PTPRM: variants seen among roughly 807,000 people sequenced by gnomAD.
The protein encoded by PTPRM is protein tyrosine phosphatase receptor type M, also known as receptor-type tyrosine-protein phosphatase mu.
Under a neutral mutation model 186.7 loss-of-function variants are expected in PTPRM, and 47 were observed. That is an observed-to-expected ratio of 0.25 (90% CI 0.20 to 0.32). The LOEUF (loss-of-function observed/expected upper bound fraction) is 0.32, where lower values mean the gene tolerates loss of function less well. Among genes scored for constraint, PTPRM ranks in the 10% least tolerant of loss-of-function variants. The probability of loss-of-function intolerance (pLI) is 1.00; values close to 1 mark genes in which losing one functional copy is unlikely to be tolerated. For synonymous variants in PTPRM, 668 were observed against 674.9 expected (o/e 0.99, Z 0.16); for missense variants, 1,494 against 1,865.0 (o/e 0.80, Z 3.66).
chr18:7,667,306 A>AT (rs2039118379), intron 1 of PTPRM, among the ~76,000 whole-genome samples: 1 of 152,220 alleles, frequency 6.6e-6, no homozygotes, highest in Non-Finnish European at 1.5e-5. Context: ...GACTTATCAA[A>AT]ACAGGTCAGC....
intron 31 of PTPRM, among the ~76,000 whole-genome samples, chr18:8,390,359 G>A (rs775118920): frequency 4.6e-5 from 7 of 152,212 alleles, no homozygotes; most frequent in Non-Finnish European, 7.3e-5. Flanking sequence ...CTTCACGACC[G>A]CGGGTAGATT....
chr18:7,821,336 A>G (rs1188807200), intron 2 of PTPRM, among the ~76,000 whole-genome samples: 1 of 152,222 alleles, frequency 6.6e-6, no homozygotes, highest in Non-Finnish European at 1.5e-5. Flanking sequence ...GTTAGAATCT[A>G]GAGAAATATC....
intron 14 of PTPRM, among the ~76,000 whole-genome samples, chr18:8,165,295 C>T (rs1452230657): frequency 4.6e-5 from 7 of 152,302 alleles, no homozygotes; most frequent in African/African-American, 1.2e-4. Flanking sequence ...TTGGAGCACT[C>T]AGTGGTACTT....
At chr18:7,794,871 A>G (rs996916341) in intron 2 of PTPRM, among the ~76,000 whole-genome samples, 1 of 152,142 alleles carries the variant, frequency 6.6e-6, no homozygotes, top group African/African-American at 2.4e-5. Flanking sequence ...CCCTGTACCA[A>G]CTGTTCCCTG....
At chr18:8,238,357 C>G (rs537337817) in intron 14 of PTPRM, among the ~76,000 whole-genome samples, 1 of 152,202 alleles carries the variant, frequency 6.6e-6, no homozygotes, top group Non-Finnish European at 1.5e-5. Context: ...TCTTCAAGCT[C>G]AGAGATTCTT....
chr18:7,863,068 C>T lies in PTPRM; in HGVS notation c.197-25038C>T, dbSNP rs532396083. The stretch of plus-strand genomic sequence containing the variant: ...AATAAGATTCGTTCTCACAATTTCA[C>T]CATCAGTTTGCTAAAAGGCTTGTCT... On this transcript the variant is annotated intron_variant, in intron 2 of 32. Transcript: ENST00000580170. Among the ~76,000 whole-genome samples, 39 of 152,250 alleles carry T rather than the reference C, an allele frequency of 2.6e-4. No individual in the cohort carries two copies. In the Middle Eastern group the frequency reaches 0.014, roughly 53 times the overall value.
Position 7,681,490 on chromosome 18 carries a change from A to G in PTPRM, c.74-92659A>G, listed in dbSNP as rs1425550057. Among the ~76,000 whole-genome samples, 3 of 151,910 alleles carry G rather than the reference A, an allele frequency of 2.0e-5. No homozygotes were observed. The East Asian group carries it at 5.8e-4, about 29-fold the overall frequency. On this transcript the variant is annotated intron_variant, in intron 1 of 32. Coordinates refer to ENST00000580170, the MANE Select transcript of PTPRM (RefSeq NM_001105244.2). Reference sequence around the variant, plus strand: ...ACACGGGCCATCAAGTTCTCTCCTCATGATGATGTTTTTAGCATCAGTTCG... The same window carrying G: ...ACACGGGCCATCAAGTTCTCTCCTCGTGATGATGTTTTTAGCATCAGTTCG...
intron 22 of PTPRM, among the ~76,000 whole-genome samples, chr18:8,333,645 C>G (rs1050972974): frequency 6.6e-6 from 1 of 152,124 alleles, no homozygotes; most frequent in Non-Finnish European, 1.5e-5. Flanking sequence ...AATTTAGGAC[C>G]ACTTTTATTC....
intron 1 of PTPRM, among the ~76,000 whole-genome samples, chr18:7,628,393 A>G (rs944069520): frequency 1.3e-4 from 20 of 152,240 alleles, no homozygotes; most frequent in Non-Finnish European, 2.2e-4. Context: ...TGTTGTTGCA[A>G]AGTAGTTACT....
chr18:7,802,660 GC>G (rs1312630879), intron 2 of PTPRM, among the ~76,000 whole-genome samples: 1 of 152,166 alleles, frequency 6.6e-6, no homozygotes, highest in Non-Finnish European at 1.5e-5. Flanking sequence ...ATCTGAACAA[GC>G]GATTATGTCA....
chr18:8,025,527 A>T (rs2085516078), intron 7 of PTPRM, among the ~76,000 whole-genome samples: 1 of 152,154 alleles, frequency 6.6e-6, no homozygotes. Flanking sequence ...AGGTGAATAC[A>T]CTCAAGGAAG....
intron 1 of PTPRM, among the ~76,000 whole-genome samples, chr18:7,601,129 G>A (rs1487170174): frequency 6.6e-6 from 1 of 152,188 alleles, no homozygotes; most frequent in African/African-American, 2.4e-5. Context: ...CCCTACAGGG[G>A]AACAAATGTC....
intron 19 of PTPRM, among the ~76,000 whole-genome samples, chr18:8,261,252 T>G (rs1289777598): frequency 1.3e-5 from 2 of 151,996 alleles, no homozygotes; most frequent in Non-Finnish European, 2.9e-5. Context: ...GATGGGGAGC[T>G]GGGGGTGGGG....
At chr18:7,753,167 A>G (rs1485769871) in intron 1 of PTPRM, among the ~76,000 whole-genome samples, 1 of 152,166 alleles carries the variant, frequency 6.6e-6, no homozygotes, top group Non-Finnish European at 1.5e-5. Context: ...TAAATCATCC[A>G]TTGAGAGCCA....
intron 1 of PTPRM, among the ~76,000 whole-genome samples, chr18:7,598,034 G>A (rs1431175140): frequency 3.3e-5 from 5 of 152,118 alleles, no homozygotes; most frequent in Admixed American, 6.6e-5. Context: ...TGTTAATATA[G>A]ACAGTCCTCT....
chr18:8,402,885 A>G (rs2095879668), intron 32 of PTPRM: 1 of 152,248 alleles, frequency 6.6e-6, no homozygotes, highest in African/African-American at 2.4e-5. Context: ...TTGTGTGTGG[A>G]AAAAGTGGTC....
At chr18:8,356,920 A>G (rs1489391053) in intron 23 of PTPRM, among the ~76,000 whole-genome samples, 1 of 152,208 alleles carries the variant, frequency 6.6e-6, no homozygotes, top group Non-Finnish European at 1.5e-5. Context: ...GAACTCTAAA[A>G]TTCCATGTTT....
chr18:7,578,666 C>G lies in PTPRM; in HGVS notation c.73+10775C>G, dbSNP rs564722297. 2.0e-5 allele frequency among the ~76,000 whole-genome samples: 3 copies of G among 147,940 alleles called. No homozygotes were observed. The South Asian group carries it at 6.5e-4, about 32-fold the overall frequency. On this transcript the variant is annotated intron_variant, in intron 1 of 32. Transcript: ENST00000580170. ...TTTTTTTTTTTTAAGAGACAGAGGT[C>G]TTGCTTTGTTGCCTTGGCTGGTCTC...
At chr18:8,208,215 G>A (rs1253552589) in intron 14 of PTPRM, among the ~76,000 whole-genome samples, 1 of 152,200 alleles carries the variant, frequency 6.6e-6, no homozygotes, top group Non-Finnish European at 1.5e-5. Flanking sequence ...GTGCAGGCGA[G>A]TTATCTAAAT....
Sources: allele counts gnomAD v4.1 joint callset (sites outside exome capture counted in the v4.1 genomes callset), GRCh38; gene constraint gnomAD v4.1.1; transcripts MANE v1.5; gene names NCBI Gene and HGNC (gene_info 2026-07-23, HGNC 2026-07-21).